Variants in ZNF609 observed in about 807,000 individuals in gnomAD.
ZNF609 encodes the protein zinc finger protein 609.
In ZNF609, 11 loss-of-function variants were observed where a neutral mutation model predicts 109.5. That is an observed-to-expected ratio of 0.10 (90% CI 0.06 to 0.17). The LOEUF is 0.17. ZNF609 is among the 10% of genes least tolerant of loss of function. The pLI, the probability that ZNF609 is intolerant of heterozygous loss-of-function variation, is 1.00. For synonymous variants in ZNF609, 646 were observed against 662.0 expected, an observed-to-expected ratio of 0.98 and a Z score of 0.37; for missense variants, 1,559 against 1,772.4, an observed-to-expected ratio of 0.88 and a Z score of 2.16.
intron 2 of ZNF609, among the ~76,000 whole-genome samples, chr15:64,579,409 C>CA (rs772818773): frequency 0.06 from 4,807 of 79,734 alleles, 120 homozygotes; most frequent in African/African-American, 0.096. Flanking sequence ...GACCCTGTCT[C>CA]AAAAAAAAAA....
chr15:64,552,828 G>C (rs1050109391), intron 2 of ZNF609, among the ~76,000 whole-genome samples: 1 of 151,922 alleles, frequency 6.6e-6, no homozygotes. Flanking sequence ...TTTTTCTTTT[G>C]TAGAGATGGG....
intron 2 of ZNF609, chr15:64,500,425 T>G: frequency 1.4e-6 from 1 of 701,688 alleles, no homozygotes; most frequent in African/African-American, 1.7e-5. Flanking sequence ...GAATGAACTT[T>G]CTGTAGTCTG....
intron 2 of ZNF609, among the ~76,000 whole-genome samples, chr15:64,606,706 T>A (rs1166979577): frequency 6.6e-6 from 1 of 152,102 alleles, no homozygotes; most frequent in African/African-American, 2.4e-5. Context: ...CTACCACTTC[T>A]GCCAAGATCA....
intron 2 of ZNF609, among the ~76,000 whole-genome samples, chr15:64,541,538 A>G (rs913280657): frequency 1.3e-5 from 2 of 151,762 alleles, no homozygotes; most frequent in Non-Finnish European, 2.9e-5. Flanking sequence ...GAGAAAAGAG[A>G]TTGTTGTTTA....
intron 2 of ZNF609, among the ~76,000 whole-genome samples, chr15:64,588,286 G>A (rs934984931): frequency 2.7e-4 from 40 of 149,708 alleles, no homozygotes; most frequent in African/African-American, 9.3e-4. Context: ...AAAATTAGCC[G>A]GGCGTGGTGG....
At chr15:64,577,979 AC>A in intron 2 of ZNF609, among the ~76,000 whole-genome samples, 1 of 151,308 alleles carries the variant, frequency 6.6e-6, no homozygotes. Context: ...ACATAGTGAA[AC>A]CCACCCCCCT....
At chr15:64,473,325 A>G (rs1320125225) in intron 1 of ZNF609, among the ~76,000 whole-genome samples, 2 of 149,750 alleles carry the variant, frequency 1.3e-5, no homozygotes, top group African/African-American at 4.9e-5. Context: ...CAGCCTCCCA[A>G]GTAGCTGGGA....
chr15:64,557,187 CTTCTT>C (rs1264313575), intron 2 of ZNF609, among the ~76,000 whole-genome samples: 2 of 45,902 alleles, frequency 4.4e-5, no homozygotes, highest in East Asian at 1.9e-3. Context: ...TTTTCTTATT[CTTCTT>C]TTTTTTTTTT....
intron 2 of ZNF609, among the ~76,000 whole-genome samples, chr15:64,577,025 T>TATATATATGTATATATACACATAA (rs1555420383): frequency 0.029 from 1,203 of 42,158 alleles, 283 homozygotes; most frequent in Middle Eastern, 0.087. Flanking sequence ...TACACATAAA[T>TATATATATGTATATATACACATAA]ATATATATGT....
At chr15:64,480,994 T>C (rs575016337) in intron 1 of ZNF609, among the ~76,000 whole-genome samples, 5 of 152,144 alleles carry the variant, frequency 3.3e-5, no homozygotes, top group African/African-American at 1.2e-4. Context: ...GAGGAACAAA[T>C]AAGAATTGAT....
rs778504113 is a variant in ZNF609, at chr15:64,674,691, C to A, written c.1837C>A (p.Pro613Thr). 6.2e-7 allele frequency: 1 copy of A among 1,613,932 alleles called. No homozygotes were observed. The highest frequency in any genetic ancestry group is 1.3e-5 in the African/African-American group (1 of 74,876). ...ATCCAATGATGGCTCTGATGATGGA[C>A]CCTCAGTGATGGATGAAACAAGCAA... ...ALSNDGSDDGPSVMDETSNDA... is the reference protein window; with the variant it reads ...ALSNDGSDDGTSVMDETSNDA... The change falls in exon 5 of 10, where the codon CCC (proline) becomes ACC (threonine). Residue 613 changes from proline (P) to threonine (T), a missense_variant. Physicochemically the swap from Pro to Thr is conservative, Grantham distance 38 (BLOSUM62 -1). This residue lies in a region of ZNF609 where 1,204 missense variants were observed against 1,314.1 expected (regional missense o/e 0.92). Transcript: ENST00000326648.
intron 2 of ZNF609, among the ~76,000 whole-genome samples, chr15:64,564,960 G>A (rs1020204410): frequency 6.6e-5 from 10 of 151,030 alleles, no homozygotes; most frequent in African/African-American, 2.4e-4. Context: ...CCATTCTCCT[G>A]TCTCAGCCTC....
intron 3 of ZNF609, among the ~76,000 whole-genome samples, chr15:64,627,797 A>T (rs1184754601): frequency 1.3e-5 from 2 of 149,242 alleles, no homozygotes; most frequent in East Asian, 4.0e-4. Context: ...CCTCCTGAGT[A>T]GCTGAGACTA....
intron 1 of ZNF609, among the ~76,000 whole-genome samples, chr15:64,465,250 A>G (rs1677054652): frequency 1.3e-5 from 2 of 152,134 alleles, no homozygotes; most frequent in African/African-American, 4.8e-5. Context: ...GATGTAATTG[A>G]CTTTTTGTGG....
At chr15:64,577,752 G>T (rs142022477) in intron 2 of ZNF609, among the ~76,000 whole-genome samples, 1,841 of 150,676 alleles carry the variant, frequency 0.012, 44 homozygotes, top group African/African-American at 0.043. Flanking sequence ...CCCGCTACTT[G>T]GGAGGCTGAG....
At chr15:64,558,144 C>T (rs1327007075) in intron 2 of ZNF609, among the ~76,000 whole-genome samples, 3 of 152,092 alleles carry the variant, frequency 2.0e-5, no homozygotes, top group Non-Finnish European at 2.9e-5. Flanking sequence ...TCATTCTTAA[C>T]CTCTCCCAAG....
intron 2 of ZNF609, among the ~76,000 whole-genome samples, chr15:64,528,396 A>G (rs995226849): frequency 1.3e-5 from 2 of 150,096 alleles, no homozygotes; most frequent in Non-Finnish European, 3.0e-5. Flanking sequence ...TATTATTATT[A>G]TTATTATTAT....
At chr15:64,662,014 C>T (rs1199173446) in intron 3 of ZNF609, among the ~76,000 whole-genome samples, 1 of 150,880 alleles carries the variant, frequency 6.6e-6, no homozygotes, top group Non-Finnish European at 1.5e-5. Flanking sequence ...TGGTCTGACT[C>T]AGGGTCTCTC....
chr15:64,564,154 T>A (rs1595719791), intron 2 of ZNF609, among the ~76,000 whole-genome samples: 1 of 151,024 alleles, frequency 6.6e-6, no homozygotes, highest in East Asian at 2.0e-4. Context: ...AGTATATGCA[T>A]GTTGTATGCG....
Sources: allele counts gnomAD v4.1 joint callset (sites outside exome capture counted in the v4.1 genomes callset), GRCh38; gene constraint gnomAD v4.1.1; regional missense constraint gnomAD v4.1.1; transcripts MANE v1.5; gene names NCBI Gene and HGNC (gene_info 2026-07-23, HGNC 2026-07-21).